The following C1orf21 variants were observed in gnomAD, a reference collection of about 807,000 sequenced individuals.
The protein encoded by C1orf21 is uncharacterized protein C1orf21.
C1orf21 carries 3 observed loss-of-function variants against 18.7 expected under a neutral mutation model. That is an observed-to-expected ratio of 0.16 (90% CI 0.07 to 0.42). C1orf21 has a LOEUF of 0.42. C1orf21 is among the 10% of genes least tolerant of loss of function. The pLI, the probability that C1orf21 is intolerant of heterozygous loss-of-function variation, is 0.99. For synonymous variants in C1orf21, 41 were observed against 46.4 expected, an observed-to-expected ratio of 0.88 and a Z score of 0.47; for missense variants, 104 against 143.6, an observed-to-expected ratio of 0.72 and a Z score of 1.41.
chr1:184,469,599 C>T (rs1005838341), intron 1 of C1orf21, among the ~76,000 whole-genome samples: 8 of 152,208 alleles, frequency 5.3e-5, no homozygotes, highest in African/African-American at 1.9e-4. Context: ...AATCCAGCTA[C>T]AGTTCTCTGT....
Position 184,622,017 on chromosome 1 carries a change from A to C in C1orf21, c.*2461A>C, listed in dbSNP as rs1659924164. On this transcript the variant is annotated 3_prime_UTR_variant, in exon 6 of 6. Transcript: ENST00000235307. ...TTTCCATTTGTTGGTTTTAATCATA[A>C]AATTGTCAAGTGATTCGTGTTTGTA... 6.6e-6 allele frequency: 1 copy of C among 152,196 alleles called. No homozygotes were observed. Among genetic ancestry groups the C allele is most frequent in the Non-Finnish European group, 1.5e-5 (1 of 68,036 alleles). The allele number at this position is 152,196 out of a possible 1,614,324, so 9.4% of individuals were successfully genotyped here.
At chr1:184,552,386 A>G (rs1381681110) in intron 3 of C1orf21, among the ~76,000 whole-genome samples, 1 of 152,232 alleles carries the variant, frequency 6.6e-6, no homozygotes, top group African/African-American at 2.4e-5. Flanking sequence ...ACTTTTTTGT[A>G]AACTTTTTTG....
intron 1 of C1orf21, among the ~76,000 whole-genome samples, chr1:184,450,025 T>G (rs1012102543): frequency 1.3e-5 from 2 of 152,070 alleles, no homozygotes; most frequent in Admixed American, 1.3e-4. Flanking sequence ...GAGGGAGGTA[T>G]TTTTATGGTA....
At chr1:184,582,787 C>A (rs978926108) in intron 3 of C1orf21, among the ~76,000 whole-genome samples, 3 of 152,020 alleles carry the variant, frequency 2.0e-5, no homozygotes, top group African/African-American at 7.2e-5. Context: ...GGTGTTGTTC[C>A]CTTTAGTATT....
At chr1:184,515,995 T>C (rs1658219840) in intron 3 of C1orf21, among the ~76,000 whole-genome samples, 1 of 152,094 alleles carries the variant, frequency 6.6e-6, no homozygotes, top group Non-Finnish European at 1.5e-5. Context: ...GTATTTTTAG[T>C]AGAGATGGGG....
In C1orf21 at chr1:184,627,710, A is replaced by G. The variant is rs1415373977; in HGVS notation, c.*8154A>G. ...CGCAGGCCCAGGTGTTTAGATTAGA[A>G]TTTGTCCAGCGGTAATCCTGATGCT... is the stretch of plus-strand genomic sequence containing the variant. On this transcript the variant is annotated 3_prime_UTR_variant, in exon 6 of 6. Coordinates refer to ENST00000235307, the MANE Select transcript of C1orf21 (RefSeq NM_030806.4). The G allele has an allele frequency of 6.6e-6, 1 of 152,220 alleles. No individual in the cohort carries two copies. Among genetic ancestry groups the G allele is most frequent in the East Asian group, 1.9e-4 (1 of 5,190 alleles). 9.4% of individuals were successfully genotyped at this position (152,220 alleles called of 1,614,324 possible).
At chr1:184,616,254 A>C (rs1424163136) in intron 5 of C1orf21, among the ~76,000 whole-genome samples, 1 of 152,228 alleles carries the variant, frequency 6.6e-6, no homozygotes, top group Admixed American at 6.5e-5. Context: ...AATAAAAATG[A>C]AGCTGAATTG....
At chr1:184,496,021 C>G (rs190330445) in intron 2 of C1orf21, among the ~76,000 whole-genome samples, 155 of 150,980 alleles carry the variant, frequency 1.0e-3, no homozygotes, top group African/African-American at 3.6e-3. Context: ...TTCTTTGCTT[C>G]TGCAGATTGT....
chr1:184,554,149 C>G (rs990137628), intron 3 of C1orf21, among the ~76,000 whole-genome samples: 21 of 152,142 alleles, frequency 1.4e-4, no homozygotes, highest in Non-Finnish European at 5.9e-5. Flanking sequence ...AGACTGTATA[C>G]CAATAATTTT....
At chr1:184,530,600 C>CTTT (rs1184327589) in intron 3 of C1orf21, among the ~76,000 whole-genome samples, 5 of 111,466 alleles carry the variant, frequency 4.5e-5, no homozygotes, top group African/African-American at 6.9e-5. Context: ...TTTCTTTTTT[C>CTTT]TTTTTTTTTT....
chr1:184,627,984 C>T lies in C1orf21; in HGVS notation c.*8428C>T, dbSNP rs2102019005. On this transcript the variant is annotated 3_prime_UTR_variant, in exon 6 of 6. Coordinates refer to ENST00000235307, the MANE Select transcript of C1orf21 (RefSeq NM_030806.4). ...TTAATGGCTACATATTTGCCCTTCCCAAGGGTATTTGCATTTTATTTAGGA... is the reference window on the plus strand; with the variant it reads ...TTAATGGCTACATATTTGCCCTTCCTAAGGGTATTTGCATTTTATTTAGGA... The T allele has an allele frequency of 6.6e-6, 1 of 152,296 alleles. No individual in the cohort carries two copies. Among genetic ancestry groups the T allele is most frequent in the African/African-American group, 2.4e-5 (1 of 41,554 alleles). 9.4% of individuals were successfully genotyped at this position (152,296 alleles called of 1,614,324 possible).
chr1:184,423,120 T>C (rs931020819), intron 1 of C1orf21, among the ~76,000 whole-genome samples: 1 of 152,214 alleles, frequency 6.6e-6, no homozygotes, highest in Non-Finnish European at 1.5e-5. Context: ...GTATCGGGAT[T>C]TAACAGAATG....
At chr1:184,598,159 G>A (rs16823326) in intron 4 of C1orf21, among the ~76,000 whole-genome samples, 5,967 of 151,744 alleles carry the variant, frequency 0.039, 252 homozygotes, top group African/African-American at 0.11. Context: ...ACTATAAATA[G>A]CATCTGTACA....
chr1:184,493,103 T>C (rs1657838441), intron 2 of C1orf21, among the ~76,000 whole-genome samples: 1 of 152,210 alleles, frequency 6.6e-6, no homozygotes, highest in African/African-American at 2.4e-5. Flanking sequence ...ATATATAAAA[T>C]TCTCTAAAAT....
chr1:184,555,483 C>T (rs1658864994), intron 3 of C1orf21, among the ~76,000 whole-genome samples: 1 of 152,172 alleles, frequency 6.6e-6, no homozygotes, highest in Admixed American at 6.5e-5. Context: ...AAAGTCCACT[C>T]TTCTGTAAAA....
rs140426973 is a variant in C1orf21, at chr1:184,599,889, C to T, written c.327+1428C>T. Among the ~76,000 whole-genome samples the T allele has an allele frequency of 1.7e-3, 252 of 152,308 alleles. 1 individual carries two copies. Among genetic ancestry groups the T allele is most frequent in the African/African-American group, 5.8e-3 (242 of 41,568 alleles). On this transcript the variant is annotated intron_variant, in intron 5 of 5. Coordinates refer to ENST00000235307, the MANE Select transcript of C1orf21 (RefSeq NM_030806.4). ...GTTCAACCAGTAAGTATATATAACA[C>T]AGATATTCCAAAATTCGGAAACGTT...
At chr1:184,612,714 A>G (rs1312735180) in intron 5 of C1orf21, among the ~76,000 whole-genome samples, 1 of 152,158 alleles carries the variant, frequency 6.6e-6, no homozygotes, top group Non-Finnish European at 1.5e-5. Context: ...AACATTATGG[A>G]AAGAGAACTG....
intron 5 of C1orf21, among the ~76,000 whole-genome samples, chr1:184,603,771 G>T (rs551279942): frequency 6.6e-6 from 1 of 152,172 alleles, no homozygotes; most frequent in Non-Finnish European, 1.5e-5. Context: ...CCTCCAGCCT[G>T]GGCGACAGAG....
intron 2 of C1orf21, among the ~76,000 whole-genome samples, chr1:184,481,149 A>G (rs1657648408): frequency 6.6e-6 from 1 of 152,172 alleles, no homozygotes; most frequent in Admixed American, 6.5e-5. Flanking sequence ...AAAGAAGGAA[A>G]GAGAAAAGAA....
Sources: allele counts gnomAD v4.1 joint callset (sites outside exome capture counted in the v4.1 genomes callset), GRCh38; gene constraint gnomAD v4.1.1; transcripts MANE v1.5; gene names NCBI Gene and HGNC (gene_info 2026-07-23, HGNC 2026-07-21).